The following PRKCE variants were observed in gnomAD, a reference collection of about 807,000 sequenced individuals.
The protein encoded by PRKCE is protein kinase C epsilon type.
Under a neutral mutation model 85.4 loss-of-function variants are expected in PRKCE, and 16 were observed. The observed-to-expected ratio is 0.19, with a 90% confidence interval of 0.13 to 0.28. The LOEUF (loss-of-function observed/expected upper bound fraction) is 0.28, where lower values mean the gene tolerates loss of function less well. PRKCE is among the 10% of genes least tolerant of loss of function. The pLI is 1.00. For missense variants in PRKCE, 573 were observed against 975.2 expected (o/e 0.59, Z 5.49); for synonymous variants, 388 against 371.5 (o/e 1.04, Z -0.51).
intron 2 of PRKCE, among the ~76,000 whole-genome samples, chr2:45,869,866 C>A (rs903871420): frequency 6.6e-6 from 1 of 151,942 alleles, no homozygotes; most frequent in South Asian, 2.1e-4. Context: ...CGCCACCACG[C>A]CCAGCTAATT....
intron 1 of PRKCE, among the ~76,000 whole-genome samples, chr2:45,837,671 A>C (rs192695480): frequency 6.6e-6 from 1 of 152,212 alleles, no homozygotes; most frequent in Non-Finnish European, 1.5e-5. Flanking sequence ...AGCACACTGC[A>C]TGATATAATG....
At chr2:45,704,859 G>C (rs1212275481) in intron 1 of PRKCE, among the ~76,000 whole-genome samples, 1 of 152,190 alleles carries the variant, frequency 6.6e-6, no homozygotes, top group East Asian at 1.9e-4. Flanking sequence ...TATCAAATTT[G>C]GTTGAGGAAG....
chr2:45,850,183 C>T (rs35732041), intron 2 of PRKCE, among the ~76,000 whole-genome samples: 5 of 152,332 alleles, frequency 3.3e-5, no homozygotes, highest in Middle Eastern at 3.4e-3. Context: ...TTGATCACAA[C>T]TAGAGCCTCC....
chr2:46,183,720 A>G (rs920206694), intron 14 of PRKCE, among the ~76,000 whole-genome samples: 1 of 152,174 alleles, frequency 6.6e-6, no homozygotes, highest in Admixed American at 6.5e-5. Flanking sequence ...CTCCCTGCCA[A>G]GGTGCCTCCC....
intron 2 of PRKCE, among the ~76,000 whole-genome samples, chr2:45,849,661 C>T (rs1692085314): frequency 1.3e-5 from 2 of 152,174 alleles, no homozygotes; most frequent in Admixed American, 1.3e-4. Context: ...ACCACACAGA[C>T]TCCCTAGACA....
At chr2:45,918,659 C>G (rs1370154093) in intron 2 of PRKCE, among the ~76,000 whole-genome samples, 4 of 152,104 alleles carry the variant, frequency 2.6e-5, no homozygotes. Flanking sequence ...ATATAGTAAA[C>G]CAATCTGTCC....
intron 2 of PRKCE, among the ~76,000 whole-genome samples, chr2:45,939,049 A>G (rs576559691): frequency 2.0e-5 from 3 of 152,292 alleles, no homozygotes; most frequent in Non-Finnish European, 2.9e-5. Flanking sequence ...AATCCAGCCC[A>G]CAGCACCCTG....
At chr2:46,020,735 A>G (rs1420015660) in intron 10 of PRKCE, among the ~76,000 whole-genome samples, 2 of 152,230 alleles carry the variant, frequency 1.3e-5, no homozygotes, top group Non-Finnish European at 2.9e-5. Flanking sequence ...TTTGCGTCAG[A>G]ATCTTTTGAG....
intron 1 of PRKCE, among the ~76,000 whole-genome samples, chr2:45,772,122 C>G (rs1165175499): frequency 1.0e-5 from 1 of 97,064 alleles, no homozygotes; most frequent in Non-Finnish European, 2.7e-5. Context: ...AGTAGGTAGT[C>G]CGAGTGCAGC....
At chr2:45,862,369 C>A (rs1182692739) in intron 2 of PRKCE, among the ~76,000 whole-genome samples, 2 of 152,334 alleles carry the variant, frequency 1.3e-5, no homozygotes, top group Non-Finnish European at 2.9e-5. Context: ...GGATCCCTCT[C>A]CAGTGGAACT....
rs181706995 is a variant in PRKCE, at chr2:45,807,599, A to G, written c.349-35401A>G. On this transcript the variant is annotated intron_variant, in intron 1 of 14. Transcript: ENST00000306156. The stretch of plus-strand genomic sequence containing the variant: ...AAATCATGACTTCCACTCCGTTTCC[A>G]TTTAGTCGAGGCAAGGTCTCCCAGA... 2.4e-3 allele frequency among the ~76,000 whole-genome samples: 372 copies of G among 152,332 alleles called. 2 individuals are homozygous for G. Among genetic ancestry groups the G allele is most frequent in the African/African-American group, 8.8e-3 (366 of 41,572 alleles).
intron 14 of PRKCE, among the ~76,000 whole-genome samples, chr2:46,173,769 A>T (rs956580223): frequency 6.6e-6 from 1 of 152,228 alleles, no homozygotes; most frequent in African/African-American, 2.4e-5. Context: ...AGCTGTGTCT[A>T]TAGACCCCAG....
intron 1 of PRKCE, chr2:45,685,291 A>G (rs1677212664): frequency 6.6e-6 from 1 of 152,224 alleles, no homozygotes; most frequent in African/African-American, 2.4e-5. Context: ...TGTTGTTTAA[A>G]TAGCTTCTTA....
At chr2:45,661,789 T>C (rs1269868445) in intron 1 of PRKCE, among the ~76,000 whole-genome samples, 2 of 151,860 alleles carry the variant, frequency 1.3e-5, no homozygotes, top group African/African-American at 4.8e-5. Flanking sequence ...TCCACCCGCC[T>C]TGGCCTCCCA....
chr2:45,766,192 T>C (rs190676837), intron 1 of PRKCE, among the ~76,000 whole-genome samples: 1 of 152,244 alleles, frequency 6.6e-6, no homozygotes, highest in Admixed American at 6.5e-5. Flanking sequence ...GTATACTCCA[T>C]AGTCAATTAC....
At chr2:45,804,439 C>G (rs1688095752) in intron 1 of PRKCE, among the ~76,000 whole-genome samples, 2 of 152,196 alleles carry the variant, frequency 1.3e-5, no homozygotes, top group African/African-American at 4.8e-5. Context: ...TAATGGCCTT[C>G]CAGGGTTGAG....
rs556875468 is a variant in PRKCE, at chr2:45,869,483, C to T, written c.412+26420C>T. On this transcript the variant is annotated intron_variant, in intron 2 of 14. Coordinates refer to ENST00000306156, the MANE Select transcript of PRKCE (RefSeq NM_005400.3). ...TACCATTTATTTAGCACCTATTACA[C>T]GCCAGGCACTGTGCTGAGCCTTTCA... 8.5e-5 allele frequency among the ~76,000 whole-genome samples: 13 copies of T among 152,252 alleles called. No homozygotes were observed. The South Asian group carries it at 1.2e-3, about 15-fold the overall frequency.
chr2:45,880,846 C>G (rs140511608), intron 2 of PRKCE, among the ~76,000 whole-genome samples: 40 of 152,310 alleles, frequency 2.6e-4, no homozygotes, highest in African/African-American at 8.7e-4. Flanking sequence ...GGACTCAGAA[C>G]AGTTCTTTTA....
rs199790008 is a variant in PRKCE, at chr2:45,976,471, G to A, written c.455G>A (p.Arg152Gln). The stretch of plus-strand genomic sequence containing the variant: ...GAGCGTGTGTTCAGGGAACGCATGC[G>A]GCCGAGGAAGCGGCAGGGGGCCGTC... ...NEERVFRERMRPRKRQGAVRR... is the reference protein window; with the variant it reads ...NEERVFRERMQPRKRQGAVRR... Residue 152 changes from arginine (R) to glutamine (Q), a missense_variant, in exon 3 of 15, where the codon CGG becomes CAG. Physicochemically the swap from Arg to Gln is conservative, Grantham distance 43 (BLOSUM62 1). Around this residue, in one of 11 missense-constraint regions of PRKCE, gnomAD observed 33 missense variants for 33.7 expected, o/e 0.98. Coordinates refer to ENST00000306156, the MANE Select transcript of PRKCE (RefSeq NM_005400.3). 49 of 1,599,728 alleles carry A rather than the reference G, an allele frequency of 3.1e-5. No individual in the cohort carries two copies. The highest frequency in any genetic ancestry group is 2.5e-4 in the East Asian group (11 of 44,872).
Sources: allele counts gnomAD v4.1 joint callset (sites outside exome capture counted in the v4.1 genomes callset), GRCh38; gene constraint gnomAD v4.1.1; regional missense constraint gnomAD v4.1.1; transcripts MANE v1.5; gene names NCBI Gene and HGNC (gene_info 2026-07-23, HGNC 2026-07-21).